The following ANKRD27 variants were observed in gnomAD, a reference collection of about 807,000 sequenced individuals.
ANKRD27 encodes ankyrin repeat domain-containing protein 27.
A neutral mutation model predicts 129.7 loss-of-function variants in ANKRD27; 112 were observed. The ratio of observed to expected loss-of-function variants is 0.86; its 90% CI spans 0.74 to 1.01. The LOEUF is 1.01. Ranked by LOEUF, ANKRD27 falls within the 50% of genes least tolerant of loss-of-function variation. ANKRD27 has a pLI of 0.00. For synonymous variants in ANKRD27, 516 were observed against 511.2 expected (o/e 1.01, Z -0.13); for missense variants, 1,258 against 1,300.5 (o/e 0.97, Z 0.50).
chr19:32,655,663 C>T (rs1967504545), intron 2 of ANKRD27, among the ~76,000 whole-genome samples: 1 of 151,630 alleles, frequency 6.6e-6, no homozygotes. Flanking sequence ...GGAGGATCGC[C>T]TGAGGTCAGG....
chr19:32,643,518 G>T (rs1194301659), intron 6 of ANKRD27, 34 bp from the exon 7 acceptor site: 1 of 1,613,778 alleles, frequency 6.2e-7, no homozygotes, highest in South Asian at 1.1e-5. Flanking sequence ...GAAAGGGCTT[G>T]GATTTGCATG....
At chr19:32,635,466 TTTTA>T (rs905689955) in intron 12 of ANKRD27, among the ~76,000 whole-genome samples, 27 of 152,212 alleles carry the variant, frequency 1.8e-4, no homozygotes, top group South Asian at 1.0e-3. Flanking sequence ...ACGCATTCTT[TTTTA>T]TTTATTTATT....
rs1399381256 is a variant in ANKRD27, at chr19:32,622,427, A to G, written c.1822T>C (p.Ser608Pro). The G allele has an allele frequency of 6.2e-7, 1 of 1,613,242 alleles. No homozygotes were observed. Among genetic ancestry groups the G allele is most frequent in the Non-Finnish European group, 8.5e-7 (1 of 1,179,968 alleles). ...KETPLKCALNSKILSVMEAYH... is the reference protein window; with the variant it reads ...KETPLKCALNPKILSVMEAYH... Reference sequence around the variant, plus strand: ...TCAGAGATGGGAAGAGCTACCTTTGAGTTTAATGCACACTTGAGGGGCGTC... The same window carrying G: ...TCAGAGATGGGAAGAGCTACCTTTGGGTTTAATGCACACTTGAGGGGCGTC... The change falls in exon 18 of 29, where the codon TCA becomes CCA. Residue 608 changes from serine to proline, a missense_variant. Transcript: ENST00000306065.
chr19:32,657,429 T>G (rs1260186560), intron 2 of ANKRD27, among the ~76,000 whole-genome samples: 3 of 149,956 alleles, frequency 2.0e-5, no homozygotes, highest in African/African-American at 7.4e-5. Flanking sequence ...GCCACTGCAC[T>G]CTAGCCTGGG....
intron 21 of ANKRD27, among the ~76,000 whole-genome samples, chr19:32,616,291 G>A (rs3859524): frequency 0.45 from 67,804 of 151,954 alleles, 16,674 homozygotes; most frequent in Non-Finnish European, 0.57. Flanking sequence ...GGTGGCTCAC[G>A]CCTGTAATCC....
intron 3 of ANKRD27, among the ~76,000 whole-genome samples, chr19:32,648,445 G>A (rs1370208722): frequency 2.0e-5 from 3 of 152,232 alleles, no homozygotes; most frequent in Non-Finnish European, 4.4e-5. Context: ...GAGAATGCCT[G>A]TTCTTGGGAA....
At chr19:32,606,536 G>T (rs1971739312) in intron 23 of ANKRD27, among the ~76,000 whole-genome samples, 1 of 152,210 alleles carries the variant, frequency 6.6e-6, no homozygotes, top group East Asian at 1.9e-4. Context: ...TCTGCTGCGG[G>T]GCTGCTCTGT....
At chr19:32,613,706 CTTTTTT>C (rs58394462) in intron 22 of ANKRD27, among the ~76,000 whole-genome samples, 1 of 132,994 alleles carries the variant, frequency 7.5e-6, no homozygotes, top group East Asian at 2.2e-4. Context: ...ATTTATGTAA[CTTTTTT>C]TTTTTTTTTT....
chr19:32,604,541 T>A, intron 24 of ANKRD27, 117 bp from the exon 25 acceptor site: 1 of 1,130,538 alleles, frequency 8.8e-7, no homozygotes, highest in Non-Finnish European at 1.2e-6. Context: ...TCTGAAAGTT[T>A]CCTTAAAATT....
intron 2 of ANKRD27, among the ~76,000 whole-genome samples, chr19:32,656,894 A>T (rs1247613169): frequency 5.3e-5 from 8 of 152,196 alleles, no homozygotes; most frequent in Non-Finnish European, 1.5e-5. Flanking sequence ...CTGTGAAATG[A>T]AGAGATGACA....
chr19:32,642,000 C>A, intron 10 of ANKRD27, 24 bp downstream of exon 10: 1 of 1,555,530 alleles, frequency 6.4e-7, no homozygotes, highest in Admixed American at 1.9e-5. Flanking sequence ...TACCCCTTGG[C>A]CAGTCCCCTT....
intron 2 of ANKRD27, among the ~76,000 whole-genome samples, chr19:32,655,940 C>T (rs1320869728): frequency 6.6e-6 from 1 of 151,346 alleles, no homozygotes; most frequent in African/African-American, 2.4e-5. Context: ...ATCGCTTGAA[C>T]CCAGGAGGCA....
intron 10 of ANKRD27, 101 bp from the exon 11 acceptor site, chr19:32,640,486 A>G (rs543437908): frequency 1.1e-6 from 1 of 941,184 alleles, no homozygotes; most frequent in East Asian, 2.5e-5. Context: ...ACCACGTATC[A>G]GGGAGATCAT....
At chr19:32,657,461 C>CAA (rs397859964) in intron 2 of ANKRD27, among the ~76,000 whole-genome samples, 3,427 of 98,272 alleles carry the variant, frequency 0.035, 207 homozygotes, top group African/African-American at 0.11. Context: ...GGCTCTGTCT[C>CAA]AAAAAAAAAA....
intron 23 of ANKRD27, 26 bp downstream of exon 23, chr19:32,607,609 C>T: frequency 6.2e-7 from 1 of 1,606,426 alleles, no homozygotes; most frequent in Non-Finnish European, 8.5e-7. Flanking sequence ...CACCCTGCTC[C>T]ACCACCCCCA....
chr19:32,601,284 T>C lies in ANKRD27; in HGVS notation c.2767+731A>G, dbSNP rs1402138730. On this transcript the variant is annotated intron_variant, in intron 26 of 28. Transcript: ENST00000306065. ...CTGCGCTCCAGCCTGGGTGACAGAG[T>C]GAGACTCTGTCTCAAAAAAACTAAC... Among the ~76,000 whole-genome samples the C allele has an allele frequency of 1.9e-3, 248 of 129,774 alleles. No individual in the cohort carries two copies. The Middle Eastern group carries it at 0.022, about 12-fold the overall frequency. 85.1% of individuals were successfully genotyped at this position (129,774 alleles called of 152,430 possible).
intron 2 of ANKRD27, 141 bp downstream of exon 2, chr19:32,658,773 C>T (rs1967591490): frequency 2.7e-6 from 2 of 727,462 alleles, no homozygotes; most frequent in African/African-American, 1.7e-5. Context: ...GGGCCCCTCG[C>T]TGCTCACTCA....
intron 2 of ANKRD27, among the ~76,000 whole-genome samples, 158 bp downstream of exon 2, chr19:32,658,756 C>T (rs920497112): frequency 6.6e-6 from 1 of 152,164 alleles, no homozygotes; most frequent in Non-Finnish European, 1.5e-5. Context: ...GAGGGAGCGG[C>T]TCATGGGGGC....
At chr19:32,667,493 A>T (rs1247473877) in intron 1 of ANKRD27, among the ~76,000 whole-genome samples, 2 of 152,210 alleles carry the variant, frequency 1.3e-5, no homozygotes, top group Non-Finnish European at 2.9e-5. Context: ...TTTAAAAAGA[A>T]ATCTTATTAC....
Sources: allele counts gnomAD v4.1 joint callset (sites outside exome capture counted in the v4.1 genomes callset), GRCh38; gene constraint gnomAD v4.1.1; transcripts MANE v1.5; gene names NCBI Gene and HGNC (gene_info 2026-07-23, HGNC 2026-07-21).